The following PIGK variants were observed in gnomAD, a reference collection of about 807,000 sequenced individuals.
PIGK encodes the protein GPI-anchor transamidase.
In PIGK, 42 loss-of-function variants were observed where a neutral mutation model predicts 50.6. That is an observed-to-expected ratio of 0.83 (90% CI 0.65 to 1.07). The LOEUF (loss-of-function observed/expected upper bound fraction) is 1.07. PIGK is among the 50% of genes least tolerant of loss of function. PIGK has a pLI of 0.00. For synonymous variants in PIGK, 151 were observed against 156.0 expected (o/e 0.97, Z 0.24); for missense variants, 448 against 488.7 (o/e 0.92, Z 0.78).
chr1:77,130,392 T>A (rs980369444), intron 9 of PIGK, among the ~76,000 whole-genome samples: 1 of 151,806 alleles, frequency 6.6e-6, no homozygotes, highest in African/African-American at 2.4e-5. Flanking sequence ...TGTATTTTGT[T>A]TTTACGTACA....
Position 77,219,298 on chromosome 1 carries a change from C to G in PIGK, c.93+12G>C. 1 of 1,610,914 alleles carries G rather than the reference C, an allele frequency of 6.2e-7. No individual in the cohort carries two copies. Among genetic ancestry groups the G allele is most frequent in the South Asian group, 1.1e-5 (1 of 90,934 alleles). ...GGCCTCCCGGCTGTGGTCAAATGAG[C>G]CTGACTCCTACCTCGATATGACTAG... On this transcript the variant is annotated intron_variant, in intron 1 of 10. Transcript: ENST00000370812.
intron 3 of PIGK, among the ~76,000 whole-genome samples, chr1:77,183,196 A>T (rs1010728542): frequency 1.3e-5 from 2 of 152,186 alleles, no homozygotes; most frequent in Non-Finnish European, 2.9e-5. Context: ...AGACCCTGCA[A>T]CTTGGAATGG....
intron 3 of PIGK, chr1:77,195,343 C>G: frequency 1.6e-6 from 2 of 1,275,592 alleles, no homozygotes; most frequent in Non-Finnish European, 2.2e-6. Context: ...GTTGAGCCAG[C>G]GGGCGGAGGC....
At chr1:77,173,281 T>A (rs1041139308) in intron 3 of PIGK, among the ~76,000 whole-genome samples, 3 of 152,210 alleles carry the variant, frequency 2.0e-5, no homozygotes, top group Non-Finnish European at 2.9e-5. Context: ...TGCCTACTGA[T>A]ATGCAGAAAC....
At position 77,104,675 on chromosome 1, in the gene PIGK, C is replaced by T. The variant is rs183714614; in HGVS notation, c.1072-12185G>A. Among the ~76,000 whole-genome samples the T allele has an allele frequency of 1.2e-4, 18 of 152,260 alleles. No homozygotes were observed. The South Asian group carries it at 2.7e-3, about 23-fold the overall frequency. On this transcript the variant is annotated intron_variant, in intron 10 of 10. Transcript: ENST00000370812. ...CCAATAATGACACAGGATTTTCTCG[C>T]GCCTTCAACAAACTCGCAACACAGG...
intron 9 of PIGK, among the ~76,000 whole-genome samples, chr1:77,145,836 T>C (rs1382616597): frequency 1.3e-5 from 2 of 152,000 alleles, no homozygotes; most frequent in African/African-American, 2.4e-5. Flanking sequence ...AATAGTGGTA[T>C]AAAGATAGAA....
chr1:77,127,468 GAGGA>G (rs1654257598), intron 9 of PIGK, among the ~76,000 whole-genome samples: 1 of 152,172 alleles, frequency 6.6e-6, no homozygotes, highest in Non-Finnish European at 1.5e-5. Flanking sequence ...GGAGATTGAG[GAGGA>G]AGGATCATTT....
intron 9 of PIGK, among the ~76,000 whole-genome samples, chr1:77,139,161 A>G (rs1654586774): frequency 6.6e-6 from 1 of 152,062 alleles, no homozygotes; most frequent in South Asian, 2.1e-4. Flanking sequence ...CTAGGTTTCT[A>G]TATTAGTACA....
chr1:77,157,254 C>T (rs367606216), intron 8 of PIGK, among the ~76,000 whole-genome samples: 16 of 152,162 alleles, frequency 1.1e-4, no homozygotes, highest in African/African-American at 3.9e-4. Context: ...TAAGTCACTG[C>T]CCCAGTAAAC....
At chr1:77,158,432 G>A (rs1655062468) in intron 8 of PIGK, among the ~76,000 whole-genome samples, 1 of 152,056 alleles carries the variant, frequency 6.6e-6, no homozygotes, top group Non-Finnish European at 1.5e-5. Context: ...CTGCTATTAA[G>A]ATACCCGAAA....
At chr1:77,164,099 T>C (rs1655185171) in intron 5 of PIGK, among the ~76,000 whole-genome samples, 157 bp from the exon 6 acceptor site, 1 of 152,222 alleles carries the variant, frequency 6.6e-6, no homozygotes, top group African/African-American at 2.4e-5. Context: ...TTTTCTACTA[T>C]GCCAATTAAA....
chr1:77,156,552 A>G (rs913022359), intron 8 of PIGK, among the ~76,000 whole-genome samples: 5 of 152,058 alleles, frequency 3.3e-5, no homozygotes, highest in Non-Finnish European at 7.4e-5. Context: ...CACATATTCT[A>G]TTTCCTTAGT....
At chr1:77,124,620 C>CA (rs1553181006) in intron 9 of PIGK, among the ~76,000 whole-genome samples, 2,883 of 146,632 alleles carry the variant, frequency 0.02, 22 homozygotes, top group Middle Eastern at 0.038. Flanking sequence ...AAACAAACAA[C>CA]AAAAAAAAAA....
At chr1:77,196,480 C>T (rs1656040115) in intron 3 of PIGK, among the ~76,000 whole-genome samples, 1 of 152,182 alleles carries the variant, frequency 6.6e-6, no homozygotes, top group Non-Finnish European at 1.5e-5. Context: ...GCCTTGCCAA[C>T]ATCTTTTATT....
intron 3 of PIGK, among the ~76,000 whole-genome samples, chr1:77,180,711 TG>T (rs952265572): frequency 1.2e-3 from 21 of 16,820 alleles, no homozygotes; most frequent in African/African-American, 4.7e-3. Context: ...TAGAAGTGGG[TG>T]GGGGTGGGGG....
At chr1:77,219,277 TC>T in intron 1 of PIGK, 32 bp downstream of exon 1, 6 of 1,561,530 alleles carry the variant, frequency 3.8e-6, no homozygotes, top group Non-Finnish European at 5.3e-6. Context: ...ACAGCCGGCC[TC>T]CCGGCTGTGG....
At chr1:77,176,737 C>T (rs887123419) in intron 3 of PIGK, among the ~76,000 whole-genome samples, 13 of 152,064 alleles carry the variant, frequency 8.5e-5, no homozygotes, top group African/African-American at 3.1e-4. Context: ...GTTATCAGTG[C>T]TATACACCTA....
intron 3 of PIGK, among the ~76,000 whole-genome samples, chr1:77,180,012 T>C (rs1462480480): frequency 6.6e-6 from 1 of 152,008 alleles, no homozygotes; most frequent in East Asian, 1.9e-4. Context: ...AGTCAATCAC[T>C]GCTGAAATCA....
rs77290591 is a variant in PIGK at position 77,174,806 on chromosome 1, T to G, written c.240-5411A>C. ...GCTGTGCCTGCTTATTATATTAATC[T>G]GTAGAAACTGCATGTTCCTGGCCCT... On this transcript the variant is annotated intron_variant, in intron 3 of 10. Transcript: ENST00000370812. Among the ~76,000 whole-genome samples, 824 of 152,292 alleles carry G rather than the reference T, an allele frequency of 5.4e-3. 1 individual carries two copies. The highest frequency in any genetic ancestry group is 0.014 in the Middle Eastern group (4 of 294).
Sources: allele counts gnomAD v4.1 joint callset (sites outside exome capture counted in the v4.1 genomes callset), GRCh38; gene constraint gnomAD v4.1.1; transcripts MANE v1.5; gene names NCBI Gene and HGNC (gene_info 2026-07-23, HGNC 2026-07-21).